Variants in ZNF521 observed in about 807,000 individuals in gnomAD.
The protein encoded by ZNF521 is zinc finger protein 521.
ZNF521 carries 14 observed loss-of-function variants against 105.5 expected under a neutral mutation model. The ratio of observed to expected loss-of-function variants is 0.13; its 90% CI spans 0.09 to 0.21. The LOEUF (loss-of-function observed/expected upper bound fraction) is 0.21. ZNF521 is among the 10% of genes least tolerant of loss of function. The pLI is 1.00. For synonymous variants in ZNF521, 635 were observed against 606.0 expected (o/e 1.05, Z -0.70); for missense variants, 1,233 against 1,629.7 (o/e 0.76, Z 4.19).
chr18:25,175,911 T>C (rs1039710572), intron 5 of ZNF521, among the ~76,000 whole-genome samples: 4 of 152,230 alleles, frequency 2.6e-5, no homozygotes, highest in Admixed American at 1.3e-4. Flanking sequence ...AATTATGAAT[T>C]GTTTATAAAT....
At chr18:25,283,100 A>C (rs185132651) in intron 3 of ZNF521, among the ~76,000 whole-genome samples, 57 of 152,334 alleles carry the variant, frequency 3.7e-4, no homozygotes, top group African/African-American at 1.2e-3. Flanking sequence ...CACTCTATCC[A>C]AGGAAAGTAC....
chr18:25,186,904 T>TAAA (rs113619835), intron 5 of ZNF521, among the ~76,000 whole-genome samples: 6,245 of 74,014 alleles, frequency 0.084, 313 homozygotes, highest in African/African-American at 0.2. Flanking sequence ...AAAGTAATGC[T>TAAA]AAAAAAAAAA....
chr18:25,325,401 G>A (rs1320247437), intron 2 of ZNF521, among the ~76,000 whole-genome samples: 1 of 152,064 alleles, frequency 6.6e-6, no homozygotes, highest in African/African-American at 2.4e-5. Flanking sequence ...GTATTACTCT[G>A]CTAGCCATTC....
intron 4 of ZNF521, among the ~76,000 whole-genome samples, chr18:25,199,056 G>C (rs773958757): frequency 1.3e-5 from 2 of 151,832 alleles, no homozygotes; most frequent in Non-Finnish European, 2.9e-5. Context: ...CACCAATATA[G>C]TATCTTATCT....
At chr18:25,180,108 G>A (rs2035605860) in intron 5 of ZNF521, among the ~76,000 whole-genome samples, 1 of 152,112 alleles carries the variant, frequency 6.6e-6, no homozygotes, top group Non-Finnish European at 1.5e-5. Context: ...AGAAATGAAA[G>A]CCCTTTTTTG....
chr18:25,129,753 CATT>C (rs1456814961), intron 5 of ZNF521, among the ~76,000 whole-genome samples: 1 of 151,946 alleles, frequency 6.6e-6, no homozygotes, highest in African/African-American at 2.4e-5. Context: ...CATCATGTGT[CATT>C]AGTGAATTGT....
chr18:25,315,040 C>A (rs1358796114), intron 3 of ZNF521, among the ~76,000 whole-genome samples: 1 of 152,194 alleles, frequency 6.6e-6, no homozygotes. Context: ...TGGCTTCCAG[C>A]CCTCCCCACC....
At chr18:25,208,341 T>C (rs1319866498) in intron 4 of ZNF521, among the ~76,000 whole-genome samples, 1 of 152,218 alleles carries the variant, frequency 6.6e-6, no homozygotes, top group Non-Finnish European at 1.5e-5. Context: ...AATAAATGAA[T>C]GAATGAACTA....
chr18:25,317,759 A>G (rs1912720696), intron 3 of ZNF521, among the ~76,000 whole-genome samples: 2 of 152,206 alleles, frequency 1.3e-5, no homozygotes, highest in Admixed American at 1.3e-4. Flanking sequence ...TTAAATATAT[A>G]TGAGCTAGAA....
intron 5 of ZNF521, among the ~76,000 whole-genome samples, chr18:25,192,346 T>C (rs1246790022): frequency 6.6e-6 from 1 of 152,156 alleles, no homozygotes; most frequent in Non-Finnish European, 1.5e-5. Context: ...ACATTGGTGA[T>C]TTCCCTTTCA....
At chr18:25,277,572 T>C (rs1910115627) in intron 3 of ZNF521, among the ~76,000 whole-genome samples, 1 of 152,148 alleles carries the variant, frequency 6.6e-6, no homozygotes, top group South Asian at 2.1e-4. Flanking sequence ...AAAGGCTCAG[T>C]GGAAGAATGG....
chr18:25,340,114 T>C (rs993790142), intron 2 of ZNF521, among the ~76,000 whole-genome samples: 2 of 152,174 alleles, frequency 1.3e-5, no homozygotes, highest in Admixed American at 6.5e-5. Flanking sequence ...CCCAGCACTT[T>C]GGGAGGCCAA....
At chr18:25,184,622 T>C (rs2035689455) in intron 5 of ZNF521, among the ~76,000 whole-genome samples, 1 of 152,156 alleles carries the variant, frequency 6.6e-6, no homozygotes, top group Non-Finnish European at 1.5e-5. Context: ...TGGCCCACAA[T>C]TGGAAGTGTG....
intron 2 of ZNF521, among the ~76,000 whole-genome samples, chr18:25,345,099 A>C (rs1189219689): frequency 2.6e-5 from 4 of 152,218 alleles, no homozygotes; most frequent in African/African-American, 9.6e-5. Context: ...ACTAGAATTT[A>C]CCAGACTAAC....
chr18:25,270,926 G>T (rs1005953951), intron 3 of ZNF521, among the ~76,000 whole-genome samples: 1 of 152,142 alleles, frequency 6.6e-6, no homozygotes, highest in African/African-American at 2.4e-5. Flanking sequence ...TCTGGCCAGG[G>T]CAATCAGGCA....
At chr18:25,202,426 A>T (rs2036009188) in intron 4 of ZNF521, 1 of 152,222 alleles carries the variant, frequency 6.6e-6, no homozygotes, top group Non-Finnish European at 1.5e-5. Flanking sequence ...ACATGTTTTT[A>T]TAAAGAACTT....
In ZNF521 at chr18:25,227,437, G is replaced by A. The variant is rs1906237812; in HGVS notation, c.481C>T (p.Arg161Ter). 1 of 1,614,122 alleles carries A rather than the reference G, an allele frequency of 6.2e-7. No individual in the cohort carries two copies. The highest frequency in any genetic ancestry group is 8.5e-7 in the Non-Finnish European group (1 of 1,180,012). ...CSRLFKHKRSRDRHIKLHTGD... is the reference protein window; with the variant it reads ...CSRLFKHKRS ...GTGTGGAGTTTTATGTGGCGATCTC[G>A]GCTGCGCTTGTGTTTGAACAGCCTA... Residue 161 changes from arginine (R) to a stop codon, truncating the protein, a stop_gained, in exon 4 of 8, where the codon CGA becomes TGA. Coordinates refer to ENST00000361524, the MANE Select transcript of ZNF521 (RefSeq NM_015461.3). LOFTEE classifies it high-confidence loss of function. The surrounding 1 kb of genome is among the most constrained non-coding windows in gnomAD (Gnocchi z 5.7).
At chr18:25,331,406 A>T (rs1798365559) in intron 2 of ZNF521, among the ~76,000 whole-genome samples, 1 of 152,216 alleles carries the variant, frequency 6.6e-6, no homozygotes, top group Non-Finnish European at 1.5e-5. Flanking sequence ...GTATACTGAA[A>T]ACTGCTTCTC....
intron 3 of ZNF521, among the ~76,000 whole-genome samples, chr18:25,290,847 C>T (rs1487096618): frequency 6.6e-6 from 1 of 151,938 alleles, no homozygotes; most frequent in East Asian, 1.9e-4. Context: ...AGCCACTGCA[C>T]CCAGCTGATA....
Sources: allele counts gnomAD v4.1 joint callset (sites outside exome capture counted in the v4.1 genomes callset), GRCh38; gene constraint gnomAD v4.1.1; non-coding constraint Gnocchi (gnomAD v3.1); transcripts MANE v1.5; gene names NCBI Gene and HGNC (gene_info 2026-07-23, HGNC 2026-07-21).